KCNQ1: variants seen among roughly 807,000 people sequenced by gnomAD.
KCNQ1 encodes potassium voltage-gated channel subfamily Q member 1.
Under a neutral mutation model 72.4 loss-of-function variants are expected in KCNQ1, and 49 were observed. That is an observed-to-expected ratio of 0.68 (90% confidence interval 0.54 to 0.86). KCNQ1 has a LOEUF of 0.86. Among genes scored for constraint, KCNQ1 ranks in the 40% least tolerant of loss-of-function variants. KCNQ1 has a pLI of 0.00. For synonymous variants in KCNQ1, 450 were observed against 412.6 expected (o/e 1.09, Z -1.10); for missense variants, 790 against 945.1 (o/e 0.84, Z 2.15).
At position 2,642,118 on chromosome 11, in the gene KCNQ1, C is replaced by T. The variant is rs1159570337; in HGVS notation, c.1394-19843C>T. 1 of 398,230 alleles carries T rather than the reference C, an allele frequency of 2.5e-6. No individual in the cohort carries two copies. 24.7% of individuals were successfully genotyped at this position (398,230 alleles called of 1,614,324 possible). ...TGGCTATTCCAGCTCTTTTTTGGTT[C>T]CATCTGAATTTTAGGATTTTTTCTA... On this transcript the variant is annotated intron_variant, in intron 10 of 15. Coordinates refer to ENST00000155840, the MANE Select transcript of KCNQ1 (RefSeq NM_000218.3). This position sits in a 1 kb window ranked among gnomAD's most constrained non-coding sequence, Gnocchi z 4.3.
intron 11 of KCNQ1, among the ~76,000 whole-genome samples, chr11:2,760,710 C>T (rs539655605): frequency 2.0e-5 from 3 of 152,326 alleles, no homozygotes; most frequent in South Asian, 2.1e-4. Context: ...CCAAGGCCTC[C>T]GTCCTGCCCC....
chr11:2,644,135 C>G lies in KCNQ1; in HGVS notation c.1394-17826C>G, dbSNP rs539921829. ...GAGATTCCTATATTTGGATCTAAAT[C>G]TCTTGGGAGATTGGGAAGTGTTCAG... On this transcript the variant is annotated intron_variant, in intron 10 of 15. Coordinates refer to ENST00000155840, the MANE Select transcript of KCNQ1 (RefSeq NM_000218.3). 1.0e-4 allele frequency: 40 copies of G among 398,522 alleles called. No individual in the cohort carries two copies. In the East Asian group the frequency reaches 1.4e-3, roughly 14 times the overall value. 24.7% of individuals were successfully genotyped at this position (398,522 alleles called of 1,614,324 possible).
At chr11:2,511,156 C>T (rs970836503) in intron 1 of KCNQ1, among the ~76,000 whole-genome samples, 4 of 152,188 alleles carry the variant, frequency 2.6e-5, no homozygotes, top group Non-Finnish European at 5.9e-5. Flanking sequence ...GGGTTGGGGG[C>T]AGCAGGGACA....
chr11:2,536,168 C>G lies in KCNQ1; in HGVS notation c.477+8150C>G, dbSNP rs1425459904. Among the ~76,000 whole-genome samples, 1 of 152,164 alleles carries G rather than the reference C, an allele frequency of 6.6e-6. No individual in the cohort carries two copies. The highest frequency in any genetic ancestry group is 2.4e-5 in the African/African-American group (1 of 41,438). On this transcript the variant is annotated intron_variant, in intron 2 of 15. Transcript: ENST00000155840. This position sits in a 1 kb window ranked among gnomAD's most constrained non-coding sequence, Gnocchi z 7.4. ...CCGCTCCCTGCCTGTGACAGGAGCTCAGGCTCAGGGCAGCAGGGGCGCTCA... is the reference window on the plus strand; with the variant it reads ...CCGCTCCCTGCCTGTGACAGGAGCTGAGGCTCAGGGCAGCAGGGGCGCTCA...
At chr11:2,758,921 C>T (rs142388280) in intron 11 of KCNQ1, among the ~76,000 whole-genome samples, 2 of 152,242 alleles carry the variant, frequency 1.3e-5, no homozygotes, top group Admixed American at 6.5e-5. Context: ...GCACAGGAGA[C>T]GCAGAGGGGG....
intron 10 of KCNQ1, chr11:2,615,250 C>T: frequency 2.5e-6 from 1 of 398,070 alleles, no homozygotes; most frequent in Non-Finnish European, 4.4e-6. Context: ...AAATGTTGAA[C>T]ATGTACCCTG....
chr11:2,504,790 T>C lies in KCNQ1; in HGVS notation c.387-23138T>C, dbSNP rs189401750. 9.2e-5 allele frequency among the ~76,000 whole-genome samples: 14 copies of C among 152,290 alleles called. 1 individual carries two copies. Among genetic ancestry groups the C allele is most frequent in the African/African-American group, 3.4e-4 (14 of 41,556 alleles). ...AGACGAAAAGAGTATAATGAGGTTG[T>C]TTGTAAGACAAGGGGTAAATGTTTG... On this transcript the variant is annotated intron_variant, in intron 1 of 15. Coordinates refer to ENST00000155840, the MANE Select transcript of KCNQ1 (RefSeq NM_000218.3).
rs954324216 is a variant in KCNQ1, at chr11:2,566,130, T to C, written c.478-4498T>C. On this transcript the variant is annotated intron_variant, in intron 2 of 15. Coordinates refer to ENST00000155840, the MANE Select transcript of KCNQ1 (RefSeq NM_000218.3). The surrounding 1 kb of genome is among the most constrained non-coding windows in gnomAD (Gnocchi z 6.7). ...CCTGGCAGGGCTGGAGGCTCTGGAG[T>C]CTCTCTTGGTTACCCTCTCTCTCCC... 6.6e-6 allele frequency among the ~76,000 whole-genome samples: 1 copy of C among 151,786 alleles called. No individual in the cohort carries two copies. Among genetic ancestry groups the C allele is most frequent in the African/African-American group, 2.4e-5 (1 of 41,280 alleles).
At chr11:2,719,265 C>T (rs1461071720) in intron 11 of KCNQ1, among the ~76,000 whole-genome samples, 1 of 150,246 alleles carries the variant, frequency 6.7e-6, no homozygotes. Context: ...TGCCTATAGT[C>T]CCAGCACTTT....
Position 2,735,379 on chromosome 11 carries a change from C to T in KCNQ1, c.1515-33465C>T, listed in dbSNP as rs1845939929. Among the ~76,000 whole-genome samples, 1 of 151,914 alleles carries T rather than the reference C, an allele frequency of 6.6e-6. No homozygotes were observed. Among genetic ancestry groups the T allele is most frequent in the South Asian group, 2.1e-4 (1 of 4,828 alleles). ...GTGGGCCATGGCCGCCCCCACCTCC[C>T]CTCCCGCAAGCTTCTCCCCTTCCTT... On this transcript the variant is annotated intron_variant, in intron 11 of 15. Coordinates refer to ENST00000155840, the MANE Select transcript of KCNQ1 (RefSeq NM_000218.3). The surrounding 1 kb of genome is among the most constrained non-coding windows in gnomAD (Gnocchi z 7.7).
At chr11:2,533,268 A>G (rs1419982049) in intron 2 of KCNQ1, among the ~76,000 whole-genome samples, 1 of 152,176 alleles carries the variant, frequency 6.6e-6, no homozygotes, top group Non-Finnish European at 1.5e-5. Flanking sequence ...CATTCTGCTG[A>G]ACCAGGGATA....
chr11:2,766,952 A>G lies in KCNQ1; in HGVS notation c.1515-1892A>G, dbSNP rs368725091. ...CCAGCACTTTTGGAGGCCAAGGCGG[A>G]CAGATCATGAGGTCAAGAGATCAAC... is the stretch of plus-strand genomic sequence containing the variant. On this transcript the variant is annotated intron_variant, in intron 11 of 15. Transcript: ENST00000155840. This position sits in a 1 kb window ranked among gnomAD's most constrained non-coding sequence, Gnocchi z 4.4. 1.6e-4 allele frequency among the ~76,000 whole-genome samples: 24 copies of G among 152,196 alleles called. No homozygotes were observed. In the East Asian group the frequency reaches 3.9e-3, roughly 24 times the overall value.
rs570140382 is a variant in KCNQ1 at position 2,524,886 on chromosome 11, G to A, written c.387-3042G>A. ...GGTGCCCTGGCCCTCTCTGCACGCC[G>A]TGGGCCTGGGGAGCAGGCAGGTGGC... On this transcript the variant is annotated intron_variant, in intron 1 of 15. Transcript: ENST00000155840. Among the ~76,000 whole-genome samples, 5 of 152,318 alleles carry A rather than the reference G, an allele frequency of 3.3e-5. No individual in the cohort carries two copies. In the South Asian group the frequency reaches 6.2e-4, roughly 19 times the overall value.
chr11:2,844,629 C>A (rs74326965), intron 15 of KCNQ1, among the ~76,000 whole-genome samples: 1,953 of 152,312 alleles, frequency 0.013, 40 homozygotes, highest in African/African-American at 0.045. Flanking sequence ...CAAAGTGGCT[C>A]AGGACTGAGC....
intron 2 of KCNQ1, among the ~76,000 whole-genome samples, chr11:2,535,119 C>G (rs557708141): frequency 6.6e-6 from 1 of 152,258 alleles, no homozygotes; most frequent in Non-Finnish European, 1.5e-5. Flanking sequence ...AAACTTCTCA[C>G]TCATCTGTCC....
chr11:2,776,117 C>A, intron 13 of KCNQ1, 63 bp downstream of exon 13: 1 of 1,389,040 alleles, frequency 7.2e-7, no homozygotes, highest in Non-Finnish European at 9.9e-7. Flanking sequence ...GCCCCAGCTG[C>A]ATGATCAGCG....
chr11:2,717,567 A>G (rs1349348691), intron 11 of KCNQ1, among the ~76,000 whole-genome samples: 4 of 152,126 alleles, frequency 2.6e-5, no homozygotes, highest in Non-Finnish European at 5.9e-5. Context: ...TGGGTGAGGG[A>G]GAGGAGCTCC....
At position 2,668,060 on chromosome 11, in the gene KCNQ1, G is replaced by A. The variant is rs568402016; in HGVS notation, c.1514+5979G>A. On this transcript the variant is annotated intron_variant, in intron 11 of 15. Coordinates refer to ENST00000155840, the MANE Select transcript of KCNQ1 (RefSeq NM_000218.3). The surrounding 1 kb of genome is among the most constrained non-coding windows in gnomAD (Gnocchi z 4.3). ...CTTTGCCCACATTTGAACTTTATGC[G>A]GTGGGAATGATGCAACTCATACACC... 49 of 398,572 alleles carry A rather than the reference G, an allele frequency of 1.2e-4. No homozygotes were observed. The South Asian group carries it at 1.5e-3, about 12-fold the overall frequency. 24.7% of individuals were successfully genotyped at this position (398,572 alleles called of 1,614,324 possible). A position where few individuals can be genotyped will look rare whatever the true frequency, so the allele number is the denominator to read the frequency against.
intron 2 of KCNQ1, among the ~76,000 whole-genome samples, chr11:2,570,049 C>T (rs923052919): frequency 1.4e-4 from 21 of 152,226 alleles, no homozygotes; most frequent in African/African-American, 3.9e-4. Flanking sequence ...TGAGGCTTTC[C>T]GGGGCTGGAT....
Sources: allele counts gnomAD v4.1 joint callset (sites outside exome capture counted in the v4.1 genomes callset), GRCh38; gene constraint gnomAD v4.1.1; non-coding constraint Gnocchi (gnomAD v3.1); transcripts MANE v1.5; gene names NCBI Gene and HGNC (gene_info 2026-07-23, HGNC 2026-07-21).